AJAP1: variants seen among roughly 807,000 people sequenced by gnomAD.
AJAP1 encodes adherens junction-associated protein 1.
Under a neutral mutation model 35.0 loss-of-function variants are expected in AJAP1, and 5 were observed. That is an observed-to-expected ratio of 0.14 (90% CI 0.07 to 0.30). The LOEUF (loss-of-function observed/expected upper bound fraction) is 0.30, where lower values mean the gene tolerates loss of function less well. Ranked by LOEUF, AJAP1 falls within the 10% of genes least tolerant of loss-of-function variation. AJAP1 has a pLI of 1.00. For missense variants in AJAP1, 586 were observed against 571.0 expected, an observed-to-expected ratio of 1.03 and a Z score of -0.27; for synonymous variants, 284 against 249.3, an observed-to-expected ratio of 1.14 and a Z score of -1.31.
At chr1:4,728,212 T>A (rs955756558) in intron 2 of AJAP1, among the ~76,000 whole-genome samples, 1 of 151,930 alleles carries the variant, frequency 6.6e-6, no homozygotes, top group African/African-American at 2.4e-5. Context: ...GAAATGAGGG[T>A]CGTGGGCAGG....
rs1640489920 is a variant in AJAP1 at position 4,720,350 on chromosome 1, C to T, written c.829+7651C>T. Among the ~76,000 whole-genome samples, 1 of 152,192 alleles carries T rather than the reference C, an allele frequency of 6.6e-6. No homozygotes were observed. The highest frequency in any genetic ancestry group is 1.5e-5 in the Non-Finnish European group (1 of 68,038). On this transcript the variant is annotated intron_variant, in intron 2 of 5. Transcript: ENST00000378191. This position sits in a 1 kb window ranked among gnomAD's most constrained non-coding sequence, Gnocchi z 4.4. ...AAATAAAGGGAAAAAGCCTCCCTTT[C>T]CAGAAGTTTCTTTCAGCACTGGGGA... is the stretch of plus-strand genomic sequence containing the variant.
At chr1:4,743,364 G>A (rs1168722053) in intron 2 of AJAP1, among the ~76,000 whole-genome samples, 2 of 152,100 alleles carry the variant, frequency 1.3e-5, no homozygotes, top group Non-Finnish European at 2.9e-5. Flanking sequence ...AGGGAAGGAG[G>A]GCAGAAAAGG....
intron 1 of AJAP1, among the ~76,000 whole-genome samples, chr1:4,697,737 G>A (rs1226681899): frequency 6.6e-6 from 1 of 152,242 alleles, no homozygotes; most frequent in South Asian, 2.1e-4. Context: ...GTGTGCACAC[G>A]TCTAACAAGA....
At chr1:4,740,772 C>G (rs1641047999) in intron 2 of AJAP1, among the ~76,000 whole-genome samples, 1 of 92,160 alleles carries the variant, frequency 1.1e-5, no homozygotes, top group South Asian at 4.5e-4. Flanking sequence ...GGCAACAGAG[C>G]AAGACTCCGT....
rs1195640149 is a variant in AJAP1 at position 4,656,354 on chromosome 1, T to C, written c.29+900T>C. On this transcript the variant is annotated intron_variant, in intron 1 of 5. Transcript: ENST00000378191. This position sits in a 1 kb window ranked among gnomAD's most constrained non-coding sequence, Gnocchi z 5.7. ...GCAGGCTGCCTCTGAGCCCTCGCCC[T>C]CCTGCCGGGGCATTCACCGAGCTCG... Among the ~76,000 whole-genome samples, 1 of 152,116 alleles carries C rather than the reference T, an allele frequency of 6.6e-6. No individual in the cohort carries two copies. The highest frequency in any genetic ancestry group is 2.4e-5 in the African/African-American group (1 of 41,436).
intron 1 of AJAP1, among the ~76,000 whole-genome samples, chr1:4,677,149 A>G (rs1639379600): frequency 6.6e-6 from 1 of 152,130 alleles, no homozygotes; most frequent in Admixed American, 6.5e-5. Flanking sequence ...AAAAGTGAGA[A>G]TCCGTCTCAA....
At chr1:4,738,711 C>T (rs1422916529) in intron 2 of AJAP1, among the ~76,000 whole-genome samples, 1 of 152,154 alleles carries the variant, frequency 6.6e-6, no homozygotes, top group South Asian at 2.1e-4. Flanking sequence ...GAAGGGTTCC[C>T]TGGGCTGCTG....
At position 4,734,046 on chromosome 1, in the gene AJAP1, C is replaced by T. The variant is rs1418752092; in HGVS notation, c.829+21347C>T. 2.0e-5 allele frequency among the ~76,000 whole-genome samples: 3 copies of T among 152,318 alleles called. No individual in the cohort carries two copies. Among genetic ancestry groups the T allele is most frequent in the South Asian group, 2.1e-4 (1 of 4,828 alleles). The stretch of plus-strand genomic sequence containing the variant: ...AATTAGCGGCTTTTGTAAGCGATCA[C>T]GTACCGAGTATTGACTTGGCTCAGC... On this transcript the variant is annotated intron_variant, in intron 2 of 5. Coordinates refer to ENST00000378191, the MANE Select transcript of AJAP1 (RefSeq NM_018836.4). This position sits in a 1 kb window ranked among gnomAD's most constrained non-coding sequence, Gnocchi z 4.3.
rs886565343 is a variant in AJAP1, at chr1:4,734,953, G to A, written c.829+22254G>A. On this transcript the variant is annotated intron_variant, in intron 2 of 5. Coordinates refer to ENST00000378191, the MANE Select transcript of AJAP1 (RefSeq NM_018836.4). The surrounding 1 kb of genome is among the most constrained non-coding windows in gnomAD (Gnocchi z 4.3). ...TTGTTTCTCGACTCCTCCGTCCATC[G>A]CCTGCAAGCTGAGCCGCGTGATGGA... is the stretch of plus-strand genomic sequence containing the variant. Among the ~76,000 whole-genome samples the A allele has an allele frequency of 4.6e-5, 7 of 152,152 alleles. No individual in the cohort carries two copies. The highest frequency in any genetic ancestry group is 1.0e-4 in the Non-Finnish European group (7 of 68,028).
rs115916906 is a variant in AJAP1 at position 4,782,515 on chromosome 1, T to C, written c.*60-30T>C. The C allele has an allele frequency of 3.6e-3, 1,338 of 368,476 alleles. 21 individuals carry two copies. Among genetic ancestry groups the C allele is most frequent in the African/African-American group, 0.025 (1,224 of 48,174 alleles). The allele number at this position is 368,476 out of a possible 1,614,324, so 22.8% of individuals were successfully genotyped here. On this transcript the variant is annotated intron_variant, in intron 5 of 5. Transcript: ENST00000378191. This position sits in a 1 kb window ranked among gnomAD's most constrained non-coding sequence, Gnocchi z 5.3. ...TGTCGCGCCCTCGGCGTGCTGCCAT[T>C]TAATCTCTTCTTGTTTTCTTTCCAC...
chr1:4,735,359 A>G (rs1332064489), intron 2 of AJAP1, among the ~76,000 whole-genome samples: 2 of 152,170 alleles, frequency 1.3e-5, no homozygotes, highest in African/African-American at 2.4e-5. Flanking sequence ...TGCGATGTGC[A>G]TCAGTGGGGT....
At chr1:4,752,130 T>C (rs1641332678) in intron 2 of AJAP1, among the ~76,000 whole-genome samples, 1 of 147,660 alleles carries the variant, frequency 6.8e-6, no homozygotes, top group African/African-American at 2.5e-5. Flanking sequence ...CAGCATGTCA[T>C]TAAAGGAGGA....
chr1:4,711,390 T>C (rs1009911562), intron 1 of AJAP1, among the ~76,000 whole-genome samples: 2 of 152,112 alleles, frequency 1.3e-5, no homozygotes, highest in Non-Finnish European at 2.9e-5. Flanking sequence ...GGAGAGGCGC[T>C]TCCCCAGTGG....
intron 1 of AJAP1, among the ~76,000 whole-genome samples, chr1:4,707,575 C>A (rs1240082929): frequency 2.6e-5 from 4 of 152,172 alleles, no homozygotes; most frequent in African/African-American, 9.6e-5. Flanking sequence ...CACATTGTAG[C>A]ATAGATCAAG....
intron 1 of AJAP1, among the ~76,000 whole-genome samples, chr1:4,659,461 G>A (rs573107249): frequency 6.6e-6 from 1 of 152,238 alleles, no homozygotes; most frequent in East Asian, 1.9e-4. Context: ...GAATTCAAAG[G>A]GGCTGGTGAG....
At chr1:4,749,982 G>A (rs1439767568) in intron 2 of AJAP1, among the ~76,000 whole-genome samples, 3 of 152,068 alleles carry the variant, frequency 2.0e-5, no homozygotes, top group African/African-American at 4.8e-5. Context: ...GTGTGAGTGG[G>A]CATAGGTATT....
intron 2 of AJAP1, among the ~76,000 whole-genome samples, chr1:4,742,564 C>A (rs1165498727): frequency 6.6e-6 from 1 of 152,172 alleles, no homozygotes; most frequent in Admixed American, 6.5e-5. Context: ...TGGGGAAGGT[C>A]TAAGGGTGTC....
At chr1:4,748,533 A>T (rs954427593) in intron 2 of AJAP1, among the ~76,000 whole-genome samples, 2 of 152,100 alleles carry the variant, frequency 1.3e-5, no homozygotes, top group Admixed American at 1.3e-4. Context: ...AGATCACCTG[A>T]GGTCAGGAGT....
chr1:4,739,551 G>A (rs1269504417), intron 2 of AJAP1, among the ~76,000 whole-genome samples: 2 of 152,208 alleles, frequency 1.3e-5, no homozygotes, highest in African/African-American at 4.8e-5. Context: ...AAGAGGCAGA[G>A]ATCAATTTGC....
Sources: gnomAD v4.1 joint callset for allele counts (sites outside exome capture counted in the v4.1 genomes callset) on GRCh38, gnomAD v4.1.1 for gene constraint, Gnocchi (gnomAD v3.1) non-coding constraint, MANE v1.5 for transcripts, NCBI Gene and HGNC (gene_info 2026-07-23, HGNC 2026-07-21) for gene names.